Variants in SLC35F3 observed in about 807,000 individuals in gnomAD.
The protein encoded by SLC35F3 is putative thiamine transporter SLC35F3.
SLC35F3 carries 25 observed loss-of-function variants against 49.9 expected under a neutral mutation model. The ratio of observed to expected loss-of-function variants is 0.50; its 90% CI spans 0.37 to 0.70. The LOEUF is 0.70. Ranked by LOEUF, SLC35F3 falls within the 30% of genes least tolerant of loss-of-function variation. SLC35F3 has a pLI of 0.00. For synonymous variants in SLC35F3, 275 were observed against 265.4 expected, an observed-to-expected ratio of 1.04 and a Z score of -0.35; for missense variants, 525 against 639.8, an observed-to-expected ratio of 0.82 and a Z score of 1.94.
intron 2 of SLC35F3, among the ~76,000 whole-genome samples, chr1:233,996,576 A>G (rs1451934711): frequency 6.6e-6 from 1 of 152,156 alleles, no homozygotes; most frequent in Non-Finnish European, 1.5e-5. Context: ...ACAGCCTCAC[A>G]CTGGTTGCCA....
chr1:234,032,607 G>A (rs1664080983), intron 2 of SLC35F3, among the ~76,000 whole-genome samples: 1 of 152,150 alleles, frequency 6.6e-6, no homozygotes, highest in African/African-American at 2.4e-5. Flanking sequence ...AATATACAAT[G>A]TTTGGTTTTC....
intron 5 of SLC35F3, among the ~76,000 whole-genome samples, chr1:234,318,138 A>G (rs1657533394): frequency 6.6e-6 from 1 of 152,212 alleles, no homozygotes; most frequent in African/African-American, 2.4e-5. Flanking sequence ...GGCCATCTGC[A>G]TCTCTCAGTT....
At chr1:234,048,799 T>G (rs1388167591) in intron 2 of SLC35F3, among the ~76,000 whole-genome samples, 1 of 152,216 alleles carries the variant, frequency 6.6e-6, no homozygotes, top group Non-Finnish European at 1.5e-5. Context: ...GGCAGTACAT[T>G]GAGCCAAAGA....
intron 2 of SLC35F3, among the ~76,000 whole-genome samples, chr1:234,007,414 T>C (rs908085100): frequency 6.6e-6 from 1 of 152,130 alleles, no homozygotes; most frequent in African/African-American, 2.4e-5. Flanking sequence ...AAGTTCCTCC[T>C]GCGGAGAAGG....
chr1:233,923,369 TGTAAGTTGTATTCCTAG>T (rs1320083317), intron 2 of SLC35F3, among the ~76,000 whole-genome samples: 3 of 152,172 alleles, frequency 2.0e-5, no homozygotes, highest in Admixed American at 6.5e-5. Context: ...TTCACATCCC[TGTAAGTTGTATTCCTAG>T]GTATTTTATT....
chr1:234,249,596 G>A (rs1334333242), intron 3 of SLC35F3, among the ~76,000 whole-genome samples: 1 of 152,190 alleles, frequency 6.6e-6, no homozygotes, highest in African/African-American at 2.4e-5. Context: ...ATGGGAAAGT[G>A]AGATTGACTG....
At chr1:233,943,588 A>G (rs1276581335) in intron 2 of SLC35F3, among the ~76,000 whole-genome samples, 1 of 152,256 alleles carries the variant, frequency 6.6e-6, no homozygotes. Flanking sequence ...TAAAAGGGTA[A>G]TAAAAATATT....
chr1:233,952,061 T>C (rs1662615804), intron 2 of SLC35F3, among the ~76,000 whole-genome samples: 1 of 152,182 alleles, frequency 6.6e-6, no homozygotes, highest in Non-Finnish European at 1.5e-5. Flanking sequence ...ATTTTTCATT[T>C]CTAACCTCTG....
chr1:233,918,371 G>A (rs545790731), intron 2 of SLC35F3, among the ~76,000 whole-genome samples: 13 of 152,218 alleles, frequency 8.5e-5, no homozygotes, highest in Non-Finnish European at 1.6e-4. Context: ...CTCTTGTCCC[G>A]AGACCTCAGC....
intron 2 of SLC35F3, among the ~76,000 whole-genome samples, chr1:233,977,397 C>G (rs1663108900): frequency 6.6e-6 from 1 of 152,168 alleles, no homozygotes; most frequent in South Asian, 2.1e-4. Context: ...GTAGTCACAG[C>G]TCTCATATTA....
At chr1:234,228,816 T>C (rs991410428) in intron 2 of SLC35F3, among the ~76,000 whole-genome samples, 1 of 152,190 alleles carries the variant, frequency 6.6e-6, no homozygotes, top group Non-Finnish European at 1.5e-5. Flanking sequence ...GTGATATCCC[T>C]GGGTGCTAAC....
chr1:234,266,892 T>A (rs2102971315), intron 3 of SLC35F3, among the ~76,000 whole-genome samples: 1 of 149,918 alleles, frequency 6.7e-6, no homozygotes, highest in African/African-American at 2.5e-5. Context: ...TTTTTTTTTT[T>A]TTTTTATTGA....
intron 2 of SLC35F3, among the ~76,000 whole-genome samples, chr1:234,080,060 T>C (rs1041757923): frequency 1.3e-5 from 2 of 152,148 alleles, no homozygotes; most frequent in Admixed American, 6.5e-5. Context: ...CTGGAGGTGA[T>C]CAACAAGGTG....
chr1:234,036,828 T>C lies in SLC35F3; in HGVS notation c.283+131070T>C, dbSNP rs1372760244. Reference sequence around the variant, plus strand: ...ATTTCTGAGCCTTCTTGGGGTTTTGTAGTATAATTAGTTTGGTTCTCAGTT... The same window carrying C: ...ATTTCTGAGCCTTCTTGGGGTTTTGCAGTATAATTAGTTTGGTTCTCAGTT... On this transcript the variant is annotated intron_variant, in intron 2 of 7. Transcript: ENST00000366618. 2.0e-5 allele frequency among the ~76,000 whole-genome samples: 3 copies of C among 152,202 alleles called. No individual in the cohort carries two copies. In the East Asian group the frequency reaches 5.8e-4, roughly 29 times the overall value.
chr1:234,099,616 AAAAAAAAAAAAC>A lies in SLC35F3; in HGVS notation c.284-131792_284-131781del, dbSNP rs1267862313. Among the ~76,000 whole-genome samples, 575 of 151,586 alleles carry A rather than the reference AAAAAAAAAAAAC, an allele frequency of 3.8e-3. 7 individuals are homozygous for A. The highest frequency in any genetic ancestry group is 0.013 in the African/African-American group (540 of 41,304). On this transcript the variant is annotated intron_variant, in intron 2 of 7. Coordinates refer to ENST00000366618, the MANE Select transcript of SLC35F3 (RefSeq NM_173508.4). ...AGAGCGAGACTCTGTCTAAAAAAAA[AAAAAAAAAAAAC>A]AAAAAAAAGATTTTACCAACATGTA...
At position 234,231,560 on chromosome 1, in the gene SLC35F3, C is replaced by T; in HGVS notation, c.427C>T (p.Leu143=). The change falls in exon 3 of 8, where the codon CTG becomes TTG. Residue 143 remains leucine (L), a synonymous_variant. Coordinates refer to ENST00000366618, the MANE Select transcript of SLC35F3 (RefSeq NM_173508.4). This position sits in a 1 kb window ranked among gnomAD's most constrained non-coding sequence, Gnocchi z 5.4. ...GATCTTCTGGGGCGTGGCGGTCGTG[C>T]TGTGCGTGTGCTCCTCGTGGGCGGG... ...KKIFWGVAVV[L]CVCSSWAGST... is the part of the protein sequence containing the mutation. 2 of 1,614,150 alleles carry T rather than the reference C, an allele frequency of 1.2e-6. No homozygotes were observed. Among genetic ancestry groups the T allele is most frequent in the Non-Finnish European group, 1.7e-6 (2 of 1,180,000 alleles).
intron 2 of SLC35F3, among the ~76,000 whole-genome samples, chr1:233,914,067 C>G (rs1023524152): frequency 4.6e-5 from 7 of 152,080 alleles, no homozygotes; most frequent in African/African-American, 1.4e-4. Context: ...AGCTCAAGAC[C>G]CCTTAACTGC....
intron 2 of SLC35F3, among the ~76,000 whole-genome samples, chr1:233,986,412 G>T (rs1663266929): frequency 6.6e-6 from 1 of 152,018 alleles, no homozygotes; most frequent in South Asian, 2.1e-4. Context: ...TAACATGGTG[G>T]TTTAGCTTCC....
chr1:234,050,142 G>A (rs1664353283), intron 2 of SLC35F3, among the ~76,000 whole-genome samples: 1 of 152,084 alleles, frequency 6.6e-6, no homozygotes, highest in Non-Finnish European at 1.5e-5. Context: ...TAATCCTTTG[G>A]GTATATACCC....
Sources: allele counts gnomAD v4.1 joint callset (sites outside exome capture counted in the v4.1 genomes callset), GRCh38; gene constraint gnomAD v4.1.1; non-coding constraint Gnocchi (gnomAD v3.1); transcripts MANE v1.5; gene names NCBI Gene and HGNC (gene_info 2026-07-23, HGNC 2026-07-21).